PURG: variants seen among roughly 807,000 people sequenced by gnomAD.
PURG encodes purine rich element binding protein G.
A neutral mutation model predicts 24.3 loss-of-function variants in PURG; 3 were observed. That is an observed-to-expected ratio of 0.12 (90% CI 0.06 to 0.32). The LOEUF (loss-of-function observed/expected upper bound fraction) is 0.32, where lower values mean the gene tolerates loss of function less well. PURG is among the 10% of genes least tolerant of loss of function. The pLI, the probability that PURG is intolerant of heterozygous loss-of-function variation, is 1.00. For synonymous variants in PURG, 180 were observed against 173.1 expected (o/e 1.04, Z -0.31); for missense variants, 371 against 439.1 (o/e 0.84, Z 1.39).
intron 1 of PURG, among the ~76,000 whole-genome samples, chr8:31,000,130 C>T (rs1810509241): frequency 6.6e-6 from 1 of 152,006 alleles, no homozygotes; most frequent in Non-Finnish European, 1.5e-5. Flanking sequence ...CTGGTCATTC[C>T]TATAAAGTCC....
chr8:31,006,314 G>C (rs1053556298), intron 1 of PURG, among the ~76,000 whole-genome samples: 15 of 152,148 alleles, frequency 9.9e-5, no homozygotes, highest in African/African-American at 3.6e-4. Context: ...TCATCAGAAG[G>C]CTGGGTGTGG....
chr8:31,021,968 TTTC>T (rs1437991754), intron 1 of PURG, among the ~76,000 whole-genome samples: 2 of 149,428 alleles, frequency 1.3e-5, no homozygotes, highest in African/African-American at 5.0e-5. Context: ...AATTCATTTC[TTTC>T]TTTTTTTTTT....
At chr8:31,007,239 GA>G (rs1377492128) in intron 1 of PURG, among the ~76,000 whole-genome samples, 4 of 152,132 alleles carry the variant, frequency 2.6e-5, no homozygotes, top group East Asian at 3.9e-4. Flanking sequence ...CTAGATTATA[GA>G]AAAAAATATA....
chr8:30,999,356 A>G (rs1252326242), intron 1 of PURG, among the ~76,000 whole-genome samples: 1 of 151,950 alleles, frequency 6.6e-6, no homozygotes, highest in Non-Finnish European at 1.5e-5. Context: ...TTAAGTGGTC[A>G]TGATACCTAA....
At chr8:31,020,746 T>C (rs1326830042) in intron 1 of PURG, among the ~76,000 whole-genome samples, 1 of 152,214 alleles carries the variant, frequency 6.6e-6, no homozygotes, top group African/African-American at 2.4e-5. Flanking sequence ...TCTACCCAGA[T>C]ACCCTAGTTG....
chr8:31,007,591 A>AAT (rs1453179183), intron 1 of PURG, among the ~76,000 whole-genome samples: 1 of 152,216 alleles, frequency 6.6e-6, no homozygotes, highest in Non-Finnish European at 1.5e-5. Flanking sequence ...AGTACCACTT[A>AAT]ATATAGTTCA....
intron 1 of PURG, among the ~76,000 whole-genome samples, chr8:30,997,278 A>G (rs1810447598): frequency 6.6e-6 from 1 of 151,836 alleles, no homozygotes; most frequent in Non-Finnish European, 1.5e-5. Flanking sequence ...AAAACTTCCT[A>G]AGGAAAATAT....
chr8:31,023,852 T>C (rs1166626217), intron 1 of PURG, among the ~76,000 whole-genome samples: 1 of 152,170 alleles, frequency 6.6e-6, no homozygotes, highest in East Asian at 1.9e-4. Context: ...ACCACTACCA[T>C]GACAGCTGCA....
chr8:31,024,173 A>G (rs1055813503), intron 1 of PURG, among the ~76,000 whole-genome samples: 74 of 152,338 alleles, frequency 4.9e-4, no homozygotes, highest in Non-Finnish European at 1.0e-3. Flanking sequence ...ATACATACAT[A>G]TTATAAAACT....
chr8:31,032,438 C>A lies in PURG; in HGVS notation c.345G>T (p.Leu115=). 6.2e-7 allele frequency: 1 copy of A among 1,614,176 alleles called. No homozygotes were observed. Among genetic ancestry groups the A allele is most frequent in the Non-Finnish European group, 8.5e-7 (1 of 1,180,044 alleles). ...CGATGAAGTCCCCTAGACAGTCCTT[C>A]AGCTCCGCTGCCACAGACAGGGAGA... is the stretch of plus-strand genomic sequence containing the variant. ...LTLSLSVAAE[L]KDCLGDFIEH... Residue 115 remains leucine, a synonymous_variant, in exon 2 of 2, where the codon CTG becomes CTT. Transcript: ENST00000523392. The surrounding 1 kb of genome is among the most constrained non-coding windows in gnomAD (Gnocchi z 5.9).
intron 1 of PURG, among the ~76,000 whole-genome samples, chr8:31,024,859 T>C (rs1811062208): frequency 6.6e-6 from 1 of 152,042 alleles, no homozygotes; most frequent in African/African-American, 2.4e-5. Context: ...CTCTTTTAAA[T>C]ACTATAAACA....
rs150660694 is a variant in PURG at position 31,008,636 on chromosome 8, C to A, written c.865-11939G>T. Among the ~76,000 whole-genome samples the A allele has an allele frequency of 2.4e-3, 359 of 152,256 alleles. 2 individuals are homozygous for A. Among genetic ancestry groups the A allele is most frequent in the African/African-American group, 7.5e-3 (310 of 41,550 alleles). On this transcript the variant is annotated intron_variant, in intron 1 of 1. Coordinates refer to the PURG transcript ENST00000339382. ...TTTTTTAAGAGAATTCTGGTTTACTCTAGGTTCTGTGAGGGCAGGGAACTT... is the reference window on the plus strand; with the variant it reads ...TTTTTTAAGAGAATTCTGGTTTACTATAGGTTCTGTGAGGGCAGGGAACTT...
At chr8:31,015,907 G>A (rs141289703) in intron 1 of PURG, among the ~76,000 whole-genome samples, 1 of 152,014 alleles carries the variant, frequency 6.6e-6, no homozygotes, top group African/African-American at 2.4e-5. Flanking sequence ...AAAAAAATTC[G>A]CCAGGCATGG....
chr8:30,999,243 A>G (rs1446502810), intron 1 of PURG, among the ~76,000 whole-genome samples: 1 of 151,850 alleles, frequency 6.6e-6, no homozygotes, highest in African/African-American at 2.4e-5. Context: ...GACATCAACT[A>G]CTCAATTATT....
intron 1 of PURG, among the ~76,000 whole-genome samples, chr8:31,007,998 T>C (rs1810687488): frequency 6.6e-6 from 1 of 152,220 alleles, no homozygotes; most frequent in Non-Finnish European, 1.5e-5. Context: ...TTTTTTTCTC[T>C]TATAGTTAGT....
chr8:31,032,271 A>G lies in PURG; in HGVS notation c.512T>C (p.Leu171Pro), dbSNP rs766728816. 6.2e-7 allele frequency: 1 copy of G among 1,613,830 alleles called. No individual in the cohort carries two copies. The highest frequency in any genetic ancestry group is 8.5e-7 in the Non-Finnish European group (1 of 1,180,012). ...VGSEEHPHSV[L>P]KTDYIERDNR... ...GTCCCTCTCGATATAGTCTGTTTTCAGGACACTGTGAGGATGCTCTTCGGA... is the reference window on the plus strand; with the variant it reads ...GTCCCTCTCGATATAGTCTGTTTTCGGGACACTGTGAGGATGCTCTTCGGA... The change falls in exon 2 of 2, where the codon CTG (leucine) becomes CCG (proline). Residue 171 changes from leucine to proline, a missense_variant. Around this residue, in one of 5 missense-constraint regions of PURG, gnomAD observed 213 missense variants for 230.6 expected, o/e 0.92. Coordinates refer to ENST00000523392, the MANE Select transcript of PURG (RefSeq NM_001323311.2). This position sits in a 1 kb window ranked among gnomAD's most constrained non-coding sequence, Gnocchi z 5.9.
At chr8:30,996,788 G>A (rs1230925936) in intron 1 of PURG, 33 of 973,912 alleles carry the variant, frequency 3.4e-5, no homozygotes, top group Middle Eastern at 3.1e-4. Context: ...AATTAATCTC[G>A]TTGAAAACCT....
downstream of PURG, among the ~76,000 whole-genome samples, chr8:31,026,868 C>T (rs1032910031): frequency 3.3e-5 from 5 of 151,452 alleles, no homozygotes; most frequent in African/African-American, 1.2e-4. Flanking sequence ...AAATTAATAA[C>T]AAGTACGGAT....
intron 1 of PURG, chr8:30,996,810 A>C (rs1810437739): frequency 4.8e-6 from 4 of 830,746 alleles, no homozygotes; most frequent in Non-Finnish European, 7.4e-6. Context: ...TCTGTTAGAA[A>C]GCATGTAACA....
Sources: gnomAD v4.1 joint callset for allele counts (sites outside exome capture counted in the v4.1 genomes callset) on GRCh38, gnomAD v4.1.1 for gene constraint, gnomAD v4.1.1 regional missense constraint, Gnocchi (gnomAD v3.1) non-coding constraint, MANE v1.5 for transcripts, NCBI Gene and HGNC (gene_info 2026-07-23, HGNC 2026-07-21) for gene names.